Variants in MARCHF1 observed in about 807,000 individuals in gnomAD.
MARCHF1 encodes E3 ubiquitin-protein ligase MARCHF1.
MARCHF1 carries 40 observed loss-of-function variants against 54.2 expected under a neutral mutation model. The observed-to-expected ratio is 0.74, with a 90% confidence interval of 0.57 to 0.96. MARCHF1 has a LOEUF of 0.96. Among genes scored for constraint, MARCHF1 ranks in the 40% least tolerant of loss-of-function variants. The pLI, the probability that MARCHF1 is intolerant of heterozygous loss-of-function variation, is 0.00. For missense variants in MARCHF1, 586 were observed against 656.5 expected, an observed-to-expected ratio of 0.89 and a Z score of 1.17; for synonymous variants, 236 against 236.3, an observed-to-expected ratio of 1.00 and a Z score of 0.01.
At chr4:163,746,727 C>T (rs1245275254) in intron 4 of MARCHF1, among the ~76,000 whole-genome samples, 1 of 152,094 alleles carries the variant, frequency 6.6e-6, no homozygotes, top group Non-Finnish European at 1.5e-5. Context: ...AATATATCAG[C>T]ATGTAATATT....
At chr4:163,919,269 G>A (rs1482761438) in intron 3 of MARCHF1, among the ~76,000 whole-genome samples, 1 of 151,912 alleles carries the variant, frequency 6.6e-6, no homozygotes, top group Non-Finnish European at 1.5e-5. Flanking sequence ...TAGAGTTGCT[G>A]GGAGAAGAGA....
intron 1 of MARCHF1, among the ~76,000 whole-genome samples, chr4:164,161,245 C>T (rs566686535): frequency 6.6e-6 from 1 of 152,112 alleles, no homozygotes; most frequent in Non-Finnish European, 1.5e-5. Context: ...TATGTAAAAC[C>T]TCTCTGCTCA....
chr4:163,567,937 C>A (rs1037232573), intron 8 of MARCHF1, among the ~76,000 whole-genome samples: 1 of 152,092 alleles, frequency 6.6e-6, no homozygotes. Context: ...CCTCTGCACC[C>A]TTCTTTCCCA....
chr4:164,116,655 A>T (rs1740706846), intron 1 of MARCHF1, among the ~76,000 whole-genome samples: 1 of 152,068 alleles, frequency 6.6e-6, no homozygotes, highest in South Asian at 2.1e-4. Context: ...AATTACAATT[A>T]CTCAGTCACA....
intron 1 of MARCHF1, among the ~76,000 whole-genome samples, chr4:164,324,714 T>C (rs545323873): frequency 6.6e-6 from 1 of 151,436 alleles, no homozygotes; most frequent in African/African-American, 2.4e-5. Context: ...ACAAAAGGTA[T>C]TTGCAAGAGC....
At chr4:163,732,250 A>T (rs1745866209) in intron 4 of MARCHF1, among the ~76,000 whole-genome samples, 1 of 152,010 alleles carries the variant, frequency 6.6e-6, no homozygotes, top group South Asian at 2.1e-4. Flanking sequence ...GAAATCTACA[A>T]TGTATAAGGT....
At chr4:163,861,177 T>C (rs1749921835) in intron 3 of MARCHF1, among the ~76,000 whole-genome samples, 1 of 152,130 alleles carries the variant, frequency 6.6e-6, no homozygotes, top group Non-Finnish European at 1.5e-5. Flanking sequence ...AAGAATACCT[T>C]TGGTGGGCTC....
intron 5 of MARCHF1, among the ~76,000 whole-genome samples, chr4:163,677,214 G>A (rs1390200995): frequency 6.6e-6 from 1 of 152,146 alleles, no homozygotes; most frequent in Non-Finnish European, 1.5e-5. Context: ...AGAAACTAGA[G>A]CAAAATTTTA....
intron 1 of MARCHF1, among the ~76,000 whole-genome samples, chr4:164,177,391 G>A (rs1199160739): frequency 1.3e-5 from 2 of 152,126 alleles, no homozygotes; most frequent in Admixed American, 6.6e-5. Context: ...ACACAGAATC[G>A]AGGTTCTTTG....
At chr4:163,805,671 A>AG (rs1748206081) in intron 4 of MARCHF1, among the ~76,000 whole-genome samples, 1 of 152,176 alleles carries the variant, frequency 6.6e-6, no homozygotes, top group Non-Finnish European at 1.5e-5. Context: ...TATGTTGTAG[A>AG]AGACACAGAT....
chr4:164,136,526 A>T (rs977259777), intron 1 of MARCHF1, among the ~76,000 whole-genome samples: 2 of 152,150 alleles, frequency 1.3e-5, no homozygotes, highest in Non-Finnish European at 2.9e-5. Context: ...AGCAGAGCCG[A>T]TTGGCTGGGA....
At chr4:163,791,211 GA>G in intron 4 of MARCHF1, among the ~76,000 whole-genome samples, 1 of 152,186 alleles carries the variant, frequency 6.6e-6, no homozygotes, top group Non-Finnish European at 1.5e-5. Context: ...ACCTGATTTA[GA>G]AACTTACGAT....
At chr4:164,010,253 TGG>T (rs1491188750) in intron 2 of MARCHF1, among the ~76,000 whole-genome samples, 1 of 149,640 alleles carries the variant, frequency 6.7e-6, no homozygotes, top group African/African-American at 2.5e-5. Context: ...TGTTGTTTTT[TGG>T]TTTTTTTTTT....
intron 1 of MARCHF1, among the ~76,000 whole-genome samples, chr4:164,199,665 CACACACACACACACACAGAGAGAGAG>C (rs1180544305): frequency 3.6e-5 from 3 of 84,010 alleles, no homozygotes; most frequent in Admixed American, 2.2e-4. Context: ...CACACACACA[CACACACACACACACACAGAGAGAGAG>C]AGAGAGAGAG....
intron 5 of MARCHF1, among the ~76,000 whole-genome samples, chr4:163,694,098 G>A (rs1036105394): frequency 6.6e-5 from 10 of 152,202 alleles, no homozygotes; most frequent in Non-Finnish European, 1.5e-4. Context: ...GAGCCCATTC[G>A]GCTAATCAAT....
intron 8 of MARCHF1, among the ~76,000 whole-genome samples, chr4:163,571,458 T>C (rs1447237214): frequency 6.6e-6 from 1 of 152,118 alleles, no homozygotes; most frequent in Admixed American, 6.6e-5. Context: ...AAGTGGATGT[T>C]ACTGGAGCCC....
intron 3 of MARCHF1, among the ~76,000 whole-genome samples, chr4:163,874,199 A>C (rs1202249888): frequency 6.6e-6 from 1 of 152,226 alleles, no homozygotes; most frequent in East Asian, 1.9e-4. Context: ...ATGGGAACTC[A>C]CAAACTGCAA....
At chr4:163,680,593 C>A (rs1207702005) in intron 5 of MARCHF1, among the ~76,000 whole-genome samples, 1 of 152,186 alleles carries the variant, frequency 6.6e-6, no homozygotes, top group Non-Finnish European at 1.5e-5. Flanking sequence ...CTGTCTCTTG[C>A]CACATCTGAA....
intron 1 of MARCHF1, among the ~76,000 whole-genome samples, chr4:164,344,717 T>C (rs540442130): frequency 6.6e-6 from 1 of 152,310 alleles, no homozygotes; most frequent in Admixed American, 6.5e-5. Context: ...TGCCCTGTTA[T>C]GCTACTTAAC....
Sources: gnomAD v4.1 joint callset for allele counts (sites outside exome capture counted in the v4.1 genomes callset) on GRCh38, gnomAD v4.1.1 for gene constraint, MANE v1.5 for transcripts, NCBI Gene and HGNC (gene_info 2026-07-23, HGNC 2026-07-21) for gene names.